Variants in CWC27 observed in about 807,000 individuals in gnomAD.
CWC27 encodes CWC27 spliceosome associated cyclophilin.
Under a neutral mutation model 63.6 loss-of-function variants are expected in CWC27, and 47 were observed. That is an observed-to-expected ratio of 0.74 (90% CI 0.58 to 0.94). CWC27 has a LOEUF of 0.94. Ranked by LOEUF, CWC27 falls within the 40% of genes least tolerant of loss-of-function variation. CWC27 has a pLI of 0.00. For synonymous variants in CWC27, 175 were observed against 179.8 expected (o/e 0.97, Z 0.22); for missense variants, 495 against 554.3 (o/e 0.89, Z 1.07).
At chr5:64,835,570 G>A (rs1580657240) in intron 10 of CWC27, among the ~76,000 whole-genome samples, 1 of 151,768 alleles carries the variant, frequency 6.6e-6, no homozygotes, top group East Asian at 1.9e-4. Context: ...GCTAAATATA[G>A]GTAATGTAGA....
At chr5:64,785,743 TTTAA>T (rs1310601123) in intron 5 of CWC27, among the ~76,000 whole-genome samples, 164 bp downstream of exon 5, 4 of 152,228 alleles carry the variant, frequency 2.6e-5, no homozygotes, top group African/African-American at 2.4e-5. Context: ...TAAGAATTTT[TTTAA>T]TTAAAGATTT....
intron 11 of CWC27, among the ~76,000 whole-genome samples, chr5:64,928,376 C>T (rs1241658208): frequency 1.3e-5 from 2 of 152,158 alleles, no homozygotes; most frequent in Non-Finnish European, 2.9e-5. Flanking sequence ...TAGATAATGA[C>T]AAGTCTGCTT....
chr5:64,953,030 C>G (rs1029088722), intron 11 of CWC27, among the ~76,000 whole-genome samples: 1 of 152,104 alleles, frequency 6.6e-6, no homozygotes, highest in Non-Finnish European at 1.5e-5. Flanking sequence ...CCATGTGAGG[C>G]ATTTATAGAA....
At chr5:64,814,734 T>G (rs4290972) in intron 10 of CWC27, among the ~76,000 whole-genome samples, 53,524 of 152,030 alleles carry the variant, frequency 0.35, 9,853 homozygotes, top group East Asian at 0.51. Flanking sequence ...ATGAAATGTT[T>G]CTAGCAAAGA....
chr5:65,017,221 C>T (rs906193520), intron 13 of CWC27, among the ~76,000 whole-genome samples: 16 of 151,646 alleles, frequency 1.1e-4, no homozygotes, highest in Non-Finnish European at 2.1e-4. Context: ...CTTGGGAGGC[C>T]GAGGCAGGAG....
Position 64,793,264 on chromosome 5 carries a change from G to T in CWC27, c.669+4244G>T, listed in dbSNP as rs1025295610. Among the ~76,000 whole-genome samples, 6 of 151,938 alleles carry T rather than the reference G, an allele frequency of 3.9e-5. No homozygotes were observed. The South Asian group carries it at 1.2e-3, about 32-fold the overall frequency. ...CCCACCAACAACCCATTCTTCACAT[G>T]CGATTGGATCTTGGCACACTGCAGA... On this transcript the variant is annotated intron_variant, in intron 7 of 13. Transcript: ENST00000381070.
chr5:64,851,487 C>T (rs1445786468), intron 10 of CWC27, among the ~76,000 whole-genome samples: 3 of 152,010 alleles, frequency 2.0e-5, no homozygotes, highest in Non-Finnish European at 2.9e-5. Context: ...TGCACAGCAT[C>T]GTTAATGTAG....
chr5:64,783,075 CAG>C, intron 3 of CWC27, among the ~76,000 whole-genome samples: 1 of 152,222 alleles, frequency 6.6e-6, no homozygotes, highest in South Asian at 2.1e-4. Context: ...ATACAGTATA[CAG>C]AGTTATGATC....
At chr5:64,846,251 A>G (rs1745975440) in intron 10 of CWC27, among the ~76,000 whole-genome samples, 1 of 152,254 alleles carries the variant, frequency 6.6e-6, no homozygotes, top group African/African-American at 2.4e-5. Flanking sequence ...AGAAAACTGT[A>G]GGACTGTAAT....
intron 13 of CWC27, among the ~76,000 whole-genome samples, chr5:64,992,392 C>T (rs931580711): frequency 3.3e-5 from 5 of 152,190 alleles, no homozygotes; most frequent in Admixed American, 1.3e-4. Context: ...GTGATTCTAA[C>T]CCGAAGTACT....
chr5:64,845,937 T>C (rs1416395353), intron 10 of CWC27, among the ~76,000 whole-genome samples: 1 of 152,150 alleles, frequency 6.6e-6, no homozygotes, highest in African/African-American at 2.4e-5. Flanking sequence ...CATACAATAA[T>C]CTAGCTGTCA....
chr5:64,894,860 C>T (rs375122862), intron 11 of CWC27, among the ~76,000 whole-genome samples: 64 of 152,294 alleles, frequency 4.2e-4, no homozygotes, highest in African/African-American at 1.4e-3. Context: ...TTATGTAAAA[C>T]TTAAGGTTTT....
intron 11 of CWC27, among the ~76,000 whole-genome samples, chr5:64,921,217 T>C (rs1312474156): frequency 1.3e-5 from 2 of 152,214 alleles, no homozygotes; most frequent in African/African-American, 2.4e-5. Flanking sequence ...AAGAGCAAGT[T>C]GTTTAATTTC....
intron 12 of CWC27, among the ~76,000 whole-genome samples, chr5:64,975,457 G>T (rs1749212858): frequency 6.6e-6 from 1 of 151,954 alleles, no homozygotes. Flanking sequence ...TGATTTCTCG[G>T]ACAGGTAGTA....
intron 5 of CWC27, 143 bp from the exon 6 acceptor site, chr5:64,786,381 G>A (rs1022281551): frequency 2.7e-5 from 12 of 443,290 alleles, no homozygotes; most frequent in Non-Finnish European, 4.1e-5. Context: ...GAAGCATGTT[G>A]TGTAGTAAAT....
intron 7 of CWC27, among the ~76,000 whole-genome samples, chr5:64,794,320 T>C (rs1445946259): frequency 6.6e-6 from 1 of 152,116 alleles, no homozygotes; most frequent in African/African-American, 2.4e-5. Flanking sequence ...GACCAAAGGG[T>C]GCTTTGTTGT....
chr5:64,786,401 T>C, intron 5 of CWC27, 123 bp from the exon 6 acceptor site: 1 of 529,676 alleles, frequency 1.9e-6, no homozygotes, highest in Non-Finnish European at 3.3e-6. Flanking sequence ...TATATATCAC[T>C]ATACTAATAA....
intron 10 of CWC27, among the ~76,000 whole-genome samples, chr5:64,874,466 T>A (rs1441782654): frequency 6.6e-6 from 1 of 151,608 alleles, no homozygotes; most frequent in Non-Finnish European, 1.5e-5. Context: ...GCCCAGCCGA[T>A]GCTTTTTTTT....
At chr5:65,016,368 G>C in intron 13 of CWC27, among the ~76,000 whole-genome samples, 1 of 152,042 alleles carries the variant, frequency 6.6e-6, no homozygotes, top group East Asian at 1.9e-4. Context: ...AAGCATGGTG[G>C]CATGCGCTTG....
Sources: gnomAD v4.1 joint callset for allele counts (sites outside exome capture counted in the v4.1 genomes callset) on GRCh38, gnomAD v4.1.1 for gene constraint, MANE v1.5 for transcripts, NCBI Gene and HGNC (gene_info 2026-07-23, HGNC 2026-07-21) for gene names.